Variants in SHISA6 observed in about 807,000 individuals in gnomAD.
SHISA6 encodes shisa family member 6, also known as protein shisa-6.
Under a neutral mutation model 47.9 loss-of-function variants are expected in SHISA6, and 22 were observed. The ratio of observed to expected loss-of-function variants is 0.46; its 90% CI spans 0.33 to 0.66. The LOEUF is 0.66. Among genes scored for constraint, SHISA6 ranks in the 30% least tolerant of loss-of-function variants. SHISA6 has a pLI of 0.02. For missense variants in SHISA6, 680 were observed against 764.6 expected, an observed-to-expected ratio of 0.89 and a Z score of 1.30; for synonymous variants, 388 against 337.8, an observed-to-expected ratio of 1.15 and a Z score of -1.63.
chr17:11,498,778 C>T (rs560420587), intron 3 of SHISA6, among the ~76,000 whole-genome samples: 35 of 152,276 alleles, frequency 2.3e-4, no homozygotes, highest in Middle Eastern at 6.8e-3. Flanking sequence ...GCAGCTCAAA[C>T]GTGTAATAAA....
chr17:11,468,692 C>T (rs745949112), intron 3 of SHISA6, among the ~76,000 whole-genome samples: 22 of 152,086 alleles, frequency 1.4e-4, no homozygotes, highest in Non-Finnish European at 2.6e-4. Context: ...TCTGGATGAT[C>T]CTGGGTGCAA....
chr17:11,385,363 G>T (rs1913158109), intron 3 of SHISA6, among the ~76,000 whole-genome samples: 2 of 151,976 alleles, frequency 1.3e-5, no homozygotes, highest in African/African-American at 4.8e-5. Flanking sequence ...TGGAGGTGTG[G>T]TCAGAAAGGT....
intron 3 of SHISA6, among the ~76,000 whole-genome samples, chr17:11,502,624 G>A (rs993736167): frequency 6.6e-6 from 1 of 151,974 alleles, no homozygotes; most frequent in Non-Finnish European, 1.5e-5. Flanking sequence ...CTACTCGGGA[G>A]GCTGGGGCAG....
intron 2 of SHISA6, among the ~76,000 whole-genome samples, chr17:11,319,602 C>T (rs1910645117): frequency 6.6e-6 from 1 of 152,202 alleles, no homozygotes; most frequent in Non-Finnish European, 1.5e-5. Flanking sequence ...AAAATTAATA[C>T]TCTAACCATC....
At chr17:11,360,919 C>G (rs1912251664) in intron 2 of SHISA6, among the ~76,000 whole-genome samples, 1 of 151,624 alleles carries the variant, frequency 6.6e-6, no homozygotes, top group Non-Finnish European at 1.5e-5. Flanking sequence ...CTGTTGAGGT[C>G]ACTCTTGTTT....
At chr17:11,394,971 T>C (rs1030229445) in intron 3 of SHISA6, among the ~76,000 whole-genome samples, 1 of 150,744 alleles carries the variant, frequency 6.6e-6, no homozygotes, top group Non-Finnish European at 1.5e-5. Context: ...ATTTCAGATA[T>C]GGTGGCCCTT....
At chr17:11,252,842 C>A (rs1907866459) in intron 1 of SHISA6, among the ~76,000 whole-genome samples, 1 of 152,200 alleles carries the variant, frequency 6.6e-6, no homozygotes, top group African/African-American at 2.4e-5. Flanking sequence ...TGGATTCCAC[C>A]TTCCCTGTTG....
chr17:11,312,263 G>A (rs1290871117), intron 2 of SHISA6, among the ~76,000 whole-genome samples: 1 of 151,150 alleles, frequency 6.6e-6, no homozygotes, highest in Non-Finnish European at 1.5e-5. Flanking sequence ...ACTGTGTTGA[G>A]GGCTTAATTA....
At chr17:11,548,322 G>C (rs1439165079) in intron 3 of SHISA6, among the ~76,000 whole-genome samples, 1 of 152,052 alleles carries the variant, frequency 6.6e-6, no homozygotes, top group East Asian at 1.9e-4. Context: ...ATGCTATACT[G>C]TTTCAAAGCA....
intron 3 of SHISA6, among the ~76,000 whole-genome samples, chr17:11,468,044 A>G (rs1316314460): frequency 6.6e-6 from 1 of 152,092 alleles, no homozygotes; most frequent in Non-Finnish European, 1.5e-5. Context: ...ATATTATTTA[A>G]TTTATATTTT....
At chr17:11,380,411 A>G (rs988156141) in intron 3 of SHISA6, 4 of 152,140 alleles carry the variant, frequency 2.6e-5, no homozygotes, top group Non-Finnish European at 4.4e-5. Context: ...GTATCTGTGT[A>G]TGTATTTTCT....
chr17:11,551,997 G>T, intron 4 of SHISA6, 45 bp downstream of exon 4: 2 of 1,535,538 alleles, frequency 1.3e-6, no homozygotes, highest in Non-Finnish European at 1.8e-6. Flanking sequence ...CTTATTTCGA[G>T]TGGCACCATT....
At chr17:11,303,824 G>C (rs1252409100) in intron 2 of SHISA6, among the ~76,000 whole-genome samples, 2 of 152,192 alleles carry the variant, frequency 1.3e-5, no homozygotes, top group Admixed American at 1.3e-4. Flanking sequence ...GCTGAGTTGG[G>C]GGTAAATGTG....
intron 3 of SHISA6, among the ~76,000 whole-genome samples, chr17:11,451,742 G>A (rs1258106195): frequency 6.6e-6 from 1 of 152,310 alleles, no homozygotes; most frequent in Non-Finnish European, 1.5e-5. Context: ...ACAGAGGCAG[G>A]GTGAGGCACA....
intron 4 of SHISA6, among the ~76,000 whole-genome samples, chr17:11,552,721 A>C (rs918077398): frequency 5.3e-5 from 8 of 152,234 alleles, no homozygotes; most frequent in Non-Finnish European, 1.2e-4. Context: ...ATGTCAGATT[A>C]TGGTGTGCCT....
At chr17:11,397,466 T>C (rs1201761347) in intron 3 of SHISA6, among the ~76,000 whole-genome samples, 1 of 151,096 alleles carries the variant, frequency 6.6e-6, no homozygotes, top group African/African-American at 2.4e-5. Context: ...CTCTGAAGTT[T>C]GCCCAGTCCT....
At chr17:11,247,340 T>C (rs1907631433) in intron 1 of SHISA6, among the ~76,000 whole-genome samples, 1 of 152,184 alleles carries the variant, frequency 6.6e-6, no homozygotes, top group Non-Finnish European at 1.5e-5. Context: ...TGGCAGATTG[T>C]ATTTAGGTCT....
At chr17:11,326,872 GC>G (rs1478713643) in intron 2 of SHISA6, among the ~76,000 whole-genome samples, 2 of 152,178 alleles carry the variant, frequency 1.3e-5, no homozygotes, top group Non-Finnish European at 2.9e-5. Flanking sequence ...AAATCAGCCT[GC>G]ATTATCTTAC....
intron 3 of SHISA6, among the ~76,000 whole-genome samples, chr17:11,457,366 T>G (rs1915568833): frequency 6.6e-6 from 1 of 152,200 alleles, no homozygotes. Context: ...CAACACAGGT[T>G]AAAATCTGTC....
Sources: allele counts gnomAD v4.1 joint callset (sites outside exome capture counted in the v4.1 genomes callset), GRCh38; gene constraint gnomAD v4.1.1; transcripts MANE v1.5; gene names NCBI Gene and HGNC (gene_info 2026-07-23, HGNC 2026-07-21).